Variants in PEX7 observed in about 807,000 individuals in gnomAD.
PEX7 encodes peroxisomal biogenesis factor 7.
In PEX7, 34 loss-of-function variants were observed where a neutral mutation model predicts 47.5. That is an observed-to-expected ratio of 0.72 (90% CI 0.54 to 0.95). The LOEUF is 0.95. Among genes scored for constraint, PEX7 ranks in the 40% least tolerant of loss-of-function variants. PEX7 has a pLI of 0.00. For missense variants in PEX7, 394 were observed against 400.3 expected (o/e 0.98, Z 0.13); for synonymous variants, 141 against 148.8 (o/e 0.95, Z 0.38).
Position 136,855,061 on chromosome 6 carries a change from C to G in PEX7, c.526+8880C>G, listed in dbSNP as rs564233299. Among the ~76,000 whole-genome samples the G allele has an allele frequency of 2.0e-5, 3 of 151,552 alleles. No individual in the cohort carries two copies. In the East Asian group the frequency reaches 5.8e-4, roughly 29 times the overall value. ...CGAGATAGCGCCACCGTACCCCAGC[C>G]TGGGCAACAGAGCAAGACTGTCTCA... is the stretch of plus-strand genomic sequence containing the variant. On this transcript the variant is annotated intron_variant, in intron 5 of 9. Transcript: ENST00000318471.
intron 8 of PEX7, among the ~76,000 whole-genome samples, chr6:136,896,698 A>AT (rs1292720920): frequency 6.6e-6 from 1 of 151,888 alleles, no homozygotes; most frequent in Non-Finnish European, 1.5e-5. Context: ...CCTTTAACTC[A>AT]TTTTTTGCCA....
chr6:136,875,748 A>C (rs1350951633), intron 8 of PEX7, among the ~76,000 whole-genome samples: 1 of 152,142 alleles, frequency 6.6e-6, no homozygotes, highest in Non-Finnish European at 1.5e-5. Flanking sequence ...TGTTACTGAG[A>C]GTGGTATGTT....
intron 5 of PEX7, among the ~76,000 whole-genome samples, chr6:136,859,043 A>T (rs572748613): frequency 5.9e-5 from 9 of 152,340 alleles, no homozygotes; most frequent in Admixed American, 5.9e-4. Context: ...TGTTGCACAC[A>T]TGTAGTTAAG....
chr6:136,825,750 G>C (rs1365358674), intron 2 of PEX7, among the ~76,000 whole-genome samples: 1 of 152,046 alleles, frequency 6.6e-6, no homozygotes, highest in African/African-American at 2.4e-5. Flanking sequence ...GGCCAGGCTG[G>C]TCTCAAACTC....
Position 136,872,227 on chromosome 6 carries a change from C to T in PEX7, c.777C>T (p.Ala259=). Reference sequence around the variant, plus strand: ...CACCATTTCATGCTTCTGTGCTGGCCTCTTGCTCGTATGATTTTACTGTAA... The same window carrying T: ...CACCATTTCATGCTTCTGTGCTGGCTTCTTGCTCGTATGATTTTACTGTAA... ...KFSPFHASVL[A]SCSYDFTVRF... is the part of the protein sequence containing the mutation. The change falls in exon 8 of 10, where the codon GCC becomes GCT. Residue 259 remains alanine, a synonymous_variant. Transcript: ENST00000318471. 1.2e-6 allele frequency: 2 copies of T among 1,608,964 alleles called. No homozygotes were observed. Among genetic ancestry groups the T allele is most frequent in the East Asian group, 2.2e-5 (1 of 44,702 alleles).
intron 8 of PEX7, among the ~76,000 whole-genome samples, chr6:136,877,789 C>A (rs1775301987): frequency 6.6e-6 from 1 of 152,082 alleles, no homozygotes; most frequent in South Asian, 2.1e-4. Context: ...TTTATGGGCT[C>A]TTTTTCGGTT....
chr6:136,906,876 C>T (rs887173633), intron 9 of PEX7, among the ~76,000 whole-genome samples: 7 of 152,120 alleles, frequency 4.6e-5, no homozygotes, highest in Non-Finnish European at 8.8e-5. Flanking sequence ...GTCATCTTTG[C>T]TCAGAAACCT....
intron 5 of PEX7, among the ~76,000 whole-genome samples, chr6:136,852,956 A>T (rs1179319473): frequency 1.6e-5 from 2 of 127,648 alleles, no homozygotes; most frequent in African/African-American, 3.1e-5. Context: ...CTGGTACCAA[A>T]ACAGAGATAT....
At chr6:136,829,987 G>GTT (rs60230059) in intron 3 of PEX7, 452 of 604,170 alleles carry the variant, frequency 7.5e-4, no homozygotes, top group Admixed American at 1.5e-3. Flanking sequence ...GCCAATTTCT[G>GTT]TTTTTTTTTT....
intron 5 of PEX7, among the ~76,000 whole-genome samples, chr6:136,854,931 T>C (rs2115189860): frequency 1.3e-5 from 2 of 151,720 alleles, no homozygotes; most frequent in South Asian, 4.2e-4. Context: ...TCTACAAAAA[T>C]ACAAAAATTA....
rs915915253 is a variant in PEX7 at position 136,823,415 on chromosome 6, C to G, written c.130+620C>G. The G allele has an allele frequency of 1.3e-5, 12 of 931,030 alleles. No homozygotes were observed. In the South Asian group the frequency reaches 3.5e-4, roughly 27 times the overall value. 57.7% of individuals were successfully genotyped at this position (931,030 alleles called of 1,614,324 possible). On this transcript the variant is annotated intron_variant, in intron 1 of 9. Coordinates refer to ENST00000318471, the MANE Select transcript of PEX7 (RefSeq NM_000288.4). ...CAGACTCCAGTTAATTGTCTCCCGT[C>G]GCGCGCATTGGCTCAGCCTGTGGTT... is the stretch of plus-strand genomic sequence containing the variant.
At chr6:136,847,922 A>G (rs1421890644) in intron 5 of PEX7, among the ~76,000 whole-genome samples, 4 of 152,196 alleles carry the variant, frequency 2.6e-5, no homozygotes, top group Non-Finnish European at 5.9e-5. Context: ...TTGAATCTAT[A>G]AATTACCTTG....
At chr6:136,874,045 T>A (rs1775225924) in intron 8 of PEX7, among the ~76,000 whole-genome samples, 1 of 152,238 alleles carries the variant, frequency 6.6e-6, no homozygotes, top group African/African-American at 2.4e-5. Context: ...AGCTTTTGCG[T>A]CAATATTCAA....
chr6:136,864,808 G>A (rs1775028858), intron 5 of PEX7, among the ~76,000 whole-genome samples: 1 of 152,050 alleles, frequency 6.6e-6, no homozygotes, highest in Non-Finnish European at 1.5e-5. Context: ...CTGCATGTTG[G>A]GCATTCTGTG....
intron 5 of PEX7, among the ~76,000 whole-genome samples, chr6:136,858,537 A>G (rs1372502463): frequency 6.6e-6 from 1 of 152,198 alleles, no homozygotes; most frequent in African/African-American, 2.4e-5. Context: ...TGTGGGCTTC[A>G]TCTTAAGTCT....
chr6:136,913,186 G>T (rs1188926900), intron 9 of PEX7, among the ~76,000 whole-genome samples: 1 of 152,196 alleles, frequency 6.6e-6, no homozygotes. Flanking sequence ...TGAAGTGAAG[G>T]TGGGGGACAT....
chr6:136,850,026 T>C (rs556959450), intron 5 of PEX7, among the ~76,000 whole-genome samples: 1 of 152,268 alleles, frequency 6.6e-6, no homozygotes, highest in East Asian at 1.9e-4. Flanking sequence ...GCTTTATGAA[T>C]CTGGGTGCTC....
chr6:136,828,033 G>A, intron 3 of PEX7, among the ~76,000 whole-genome samples: 1 of 149,730 alleles, frequency 6.7e-6, no homozygotes, highest in Non-Finnish European at 1.5e-5. Context: ...AATCTTTGGT[G>A]CCTTTTATTA....
intron 1 of PEX7, 130 bp downstream of exon 1, chr6:136,822,925 C>T (rs1774108385): frequency 1.7e-6 from 2 of 1,210,230 alleles, no homozygotes; most frequent in Non-Finnish European, 1.0e-6. Flanking sequence ...CGCCAGGGGG[C>T]AGAAGAGGCG....
Sources: allele counts gnomAD v4.1 joint callset (sites outside exome capture counted in the v4.1 genomes callset), GRCh38; gene constraint gnomAD v4.1.1; transcripts MANE v1.5; gene names NCBI Gene and HGNC (gene_info 2026-07-23, HGNC 2026-07-21).